LRBA: variants seen among roughly 807,000 people sequenced by gnomAD.
LRBA encodes the protein lipopolysaccharide-responsive and beige-like anchor protein.
Under a neutral mutation model 330.0 loss-of-function variants are expected in LRBA, and 176 were observed. The ratio of observed to expected loss-of-function variants is 0.53; its 90% CI spans 0.47 to 0.60. The LOEUF is 0.60. Ranked by LOEUF, LRBA falls within the 20% of genes least tolerant of loss-of-function variation. The probability of loss-of-function intolerance (pLI) is 0.00; values close to 1 mark genes in which losing one functional copy is unlikely to be tolerated. For synonymous variants in LRBA, 1,230 were observed against 1,193.0 expected (o/e 1.03, Z -0.64); for missense variants, 3,259 against 3,444.8 (o/e 0.95, Z 1.35).
At chr4:150,905,359 T>C (rs1019441080) in intron 13 of LRBA, among the ~76,000 whole-genome samples, 1 of 150,246 alleles carries the variant, frequency 6.7e-6, no homozygotes, top group Admixed American at 6.6e-5. Flanking sequence ...AAGTGTGAAG[T>C]AAAAAAGAGA....
Position 150,914,360 on chromosome 4 carries a change from A to AT in LRBA, c.1015-20_1015-19insA, listed in dbSNP as rs1290659505. 2 of 1,479,502 alleles carry AT rather than the reference A, an allele frequency of 1.4e-6. No homozygotes were observed. Among genetic ancestry groups the AT allele is most frequent in the Non-Finnish European group, 1.8e-6 (2 of 1,109,516 alleles). 91.6% of individuals were successfully genotyped at this position (1,479,502 alleles called of 1,614,324 possible). A position where few individuals can be genotyped will look rare whatever the true frequency, so the allele number is the denominator to read the frequency against. On this transcript the variant is annotated intron_variant, in intron 8 of 56. Coordinates refer to ENST00000651943, the MANE Select transcript of LRBA (RefSeq NM_001364905.1). Reference sequence around the variant, plus strand: ...CAAAGGTCTGTAAAAGAAAAAAAAAAAGGAATTAGGAAAAAACAAAAAAAA... The same window carrying AT: ...CAAAGGTCTGTAAAAGAAAAAAAAAATAGGAATTAGGAAAAAACAAAAAAAA...
intron 40 of LRBA, among the ~76,000 whole-genome samples, chr4:150,556,805 T>A (rs80124325): frequency 6.6e-6 from 1 of 152,238 alleles, no homozygotes; most frequent in Non-Finnish European, 1.5e-5. Flanking sequence ...AATTGGATAC[T>A]TCTTCCTAAA....
chr4:150,467,864 ATAAGAT>A, intron 43 of LRBA, 79 bp from the exon 44 acceptor site: 1 of 629,566 alleles, frequency 1.6e-6, no homozygotes, highest in Non-Finnish European at 2.7e-6. Context: ...TTTACTAAAA[ATAAGAT>A]TAAACAATTT....
intron 38 of LRBA, among the ~76,000 whole-genome samples, chr4:150,598,600 C>T (rs891650084): frequency 2.0e-5 from 3 of 152,038 alleles, no homozygotes; most frequent in African/African-American, 7.2e-5. Flanking sequence ...TGCTAAAATA[C>T]CAGGATTGGG....
In LRBA at chr4:150,897,728, C is replaced by T. The variant is rs186656691; in HGVS notation, c.2004+11G>A. 2.4e-5 allele frequency: 39 copies of T among 1,593,560 alleles called. No individual in the cohort carries two copies. The highest frequency in any genetic ancestry group is 6.7e-5 in the Admixed American group (4 of 59,806). On this transcript the variant is annotated intron_variant, in intron 15 of 56. Coordinates refer to ENST00000651943, the MANE Select transcript of LRBA (RefSeq NM_001364905.1). ...ACACGGTATGCTATGGAATAAGCAA[C>T]GTGAACTCACCTTCATCACTAATTG...
At chr4:150,811,394 C>T (rs2126739412) in intron 31 of LRBA, among the ~76,000 whole-genome samples, 1 of 150,192 alleles carries the variant, frequency 6.7e-6, no homozygotes, top group Admixed American at 6.7e-5. Flanking sequence ...AAAAATAAAT[C>T]CCTCCCCAGA....
chr4:150,667,928 C>T (rs905377362), intron 37 of LRBA, among the ~76,000 whole-genome samples: 1 of 152,202 alleles, frequency 6.6e-6, no homozygotes, highest in Non-Finnish European at 1.5e-5. Flanking sequence ...GCCCTGCCAA[C>T]CCATTTCAGA....
rs868134041 is a variant in LRBA, at chr4:150,850,815, G to C, written c.3913C>G (p.Arg1305Gly). Reference sequence around the variant, plus strand: ...TGAGACCAGTTGAACTCAGGAATACGAAACACAGTAGATCTGGAATCCCTC... The same window carrying C: ...TGAGACCAGTTGAACTCAGGAATACCAAACACAGTAGATCTGGAATCCCTC... Reference protein sequence around the residue: ...QRRDSRSTVFRIPEFNWSQMH... With the variant: ...QRRDSRSTVFGIPEFNWSQMH... The change falls in exon 24 of 57, where the codon CGT becomes GGT. Residue 1305 changes from arginine (R) to glycine (G), a missense_variant. Transcript: ENST00000651943. 1.2e-6 allele frequency: 2 copies of C among 1,613,526 alleles called. No homozygotes were observed. Among genetic ancestry groups the C allele is most frequent in the Non-Finnish European group, 1.7e-6 (2 of 1,179,646 alleles).
At chr4:150,878,689 C>T (rs1175299699) in intron 17 of LRBA, among the ~76,000 whole-genome samples, 1 of 151,332 alleles carries the variant, frequency 6.6e-6, no homozygotes, top group Non-Finnish European at 1.5e-5. Flanking sequence ...TACAAAAGAT[C>T]CTCAGAGACA....
intron 37 of LRBA, among the ~76,000 whole-genome samples, chr4:150,636,303 C>T (rs1348379693): frequency 1.3e-5 from 2 of 151,298 alleles, no homozygotes; most frequent in African/African-American, 4.9e-5. Context: ...TTAGTATGAT[C>T]TTCTATTTTA....
intron 53 of LRBA, among the ~76,000 whole-genome samples, chr4:150,294,523 C>T (rs1370483379): frequency 4.6e-5 from 7 of 152,262 alleles, no homozygotes; most frequent in Admixed American, 4.6e-4. Context: ...ATAATTTCTC[C>T]ATGCCTCATC....
At chr4:150,314,868 T>G (rs1424592132) in intron 51 of LRBA, 2 of 152,188 alleles carry the variant, frequency 1.3e-5, no homozygotes, top group African/African-American at 4.8e-5. Context: ...GATGCTCATT[T>G]CATCCCAATG....
intron 44 of LRBA, among the ~76,000 whole-genome samples, chr4:150,464,738 T>C (rs1411747195): frequency 1.3e-5 from 2 of 152,018 alleles, no homozygotes; most frequent in Non-Finnish European, 2.9e-5. Context: ...AGCTCAAGTG[T>C]CCTCCATGTG....
At chr4:150,867,624 T>G in intron 22 of LRBA, 47 bp downstream of exon 22, 1 of 1,456,780 alleles carries the variant, frequency 6.9e-7, no homozygotes, top group Non-Finnish European at 9.2e-7. Context: ...AATTCAAAAA[T>G]TATAGATATT....
At chr4:150,608,786 G>A (rs184374383) in intron 37 of LRBA, among the ~76,000 whole-genome samples, 1 of 152,218 alleles carries the variant, frequency 6.6e-6, no homozygotes, top group East Asian at 1.9e-4. Flanking sequence ...CCCTGGCAAT[G>A]ATGAGCCTAC....
intron 37 of LRBA, among the ~76,000 whole-genome samples, chr4:150,658,402 T>C (rs1780434578): frequency 6.8e-6 from 1 of 147,356 alleles, no homozygotes; most frequent in African/African-American, 2.5e-5. Context: ...ATTAGATAAA[T>C]ATGCCTTCCT....
chr4:150,551,961 G>T (rs978950403), intron 40 of LRBA, among the ~76,000 whole-genome samples: 1 of 152,110 alleles, frequency 6.6e-6, no homozygotes, highest in Non-Finnish European at 1.5e-5. Context: ...GTGGGGTGGG[G>T]GGTAGGAGGT....
chr4:150,796,387 C>T (rs1480889999), intron 34 of LRBA, among the ~76,000 whole-genome samples: 5 of 151,922 alleles, frequency 3.3e-5, no homozygotes, highest in Admixed American at 6.6e-5. Context: ...TCATTTTTCA[C>T]ATCATTTTTC....
intron 48 of LRBA, among the ~76,000 whole-genome samples, chr4:150,345,124 T>A (rs767519346): frequency 1.4e-4 from 22 of 152,202 alleles, no homozygotes; most frequent in Non-Finnish European, 2.8e-4. Flanking sequence ...TTAGTACCTA[T>A]CCTATGCTTG....
Sources: gnomAD v4.1 joint callset for allele counts (sites outside exome capture counted in the v4.1 genomes callset) on GRCh38, gnomAD v4.1.1 for gene constraint, MANE v1.5 for transcripts, NCBI Gene and HGNC (gene_info 2026-07-23, HGNC 2026-07-21) for gene names.